The following TANK variants were observed in gnomAD, a reference collection of about 807,000 sequenced individuals.
TANK encodes the protein TRAF family member associated NFKB activator.
Under a neutral mutation model 43.6 loss-of-function variants are expected in TANK, and 15 were observed. The ratio of observed to expected loss-of-function variants is 0.34; its 90% CI spans 0.23 to 0.53. The LOEUF (loss-of-function observed/expected upper bound fraction) is 0.53. TANK is among the 20% of genes least tolerant of loss of function. The pLI is 0.94. For missense variants in TANK, 417 were observed against 498.6 expected (o/e 0.84, Z 1.56); for synonymous variants, 162 against 178.2 (o/e 0.91, Z 0.73).
chr2:161,211,617 C>T (rs1393946266), intron 4 of TANK: 1 of 236,388 alleles, frequency 4.2e-6, no homozygotes, highest in East Asian at 1.8e-4. Flanking sequence ...AAACACATAG[C>T]ACCTCTTCTA....
intron 2 of TANK, among the ~76,000 whole-genome samples, chr2:161,201,677 G>C (rs1412836974): frequency 1.3e-5 from 2 of 152,182 alleles, no homozygotes; most frequent in East Asian, 3.8e-4. Context: ...TTCAGCCCTG[G>C]TGGTGCTCTG....
chr2:161,195,622 A>T (rs947536075), intron 2 of TANK, among the ~76,000 whole-genome samples: 1 of 152,102 alleles, frequency 6.6e-6, no homozygotes, highest in African/African-American at 2.4e-5. Flanking sequence ...GGAGCCATTT[A>T]AGGTTTTTTG....
chr2:161,142,752 G>T (rs189215707), intron 1 of TANK, among the ~76,000 whole-genome samples: 2 of 152,228 alleles, frequency 1.3e-5, no homozygotes, highest in East Asian at 3.9e-4. Flanking sequence ...AAGTCAGGTA[G>T]CGTGATGCCT....
intron 2 of TANK, among the ~76,000 whole-genome samples, chr2:161,184,142 A>G (rs1421066396): frequency 6.6e-6 from 1 of 152,190 alleles, no homozygotes; most frequent in South Asian, 2.1e-4. Context: ...TATAGCTTCA[A>G]AGAGAATGAT....
At chr2:161,210,188 TG>T (rs904981598) in intron 4 of TANK, among the ~76,000 whole-genome samples, 3 of 152,146 alleles carry the variant, frequency 2.0e-5, no homozygotes, top group African/African-American at 7.2e-5. Flanking sequence ...GATATAGCTG[TG>T]GAGCTGGCAA....
At chr2:161,160,323 G>T, upstream of TANK, 1 of 798,934 alleles carries the variant, frequency 1.3e-6, no homozygotes, top group South Asian at 6.2e-5. Context: ...GGGTGGGGCA[G>T]GGCGGAAGGG....
chr2:161,221,382 G>T (rs897886351), intron 4 of TANK, among the ~76,000 whole-genome samples: 1 of 151,996 alleles, frequency 6.6e-6, no homozygotes, highest in African/African-American at 2.4e-5. Flanking sequence ...AGCCCACTTG[G>T]ATTATATTTG....
At chr2:161,140,922 C>T (rs763846449) in intron 1 of TANK, among the ~76,000 whole-genome samples, 2 of 152,238 alleles carry the variant, frequency 1.3e-5, no homozygotes, top group African/African-American at 4.8e-5. Context: ...ACCCCCACCA[C>T]TCACAGCATC....
At chr2:161,230,179 C>A (rs1687837625) in intron 6 of TANK, among the ~76,000 whole-genome samples, 1 of 152,108 alleles carries the variant, frequency 6.6e-6, no homozygotes, top group Admixed American at 6.5e-5. Context: ...GAACAAAATT[C>A]ATCTATCTAT....
At chr2:161,205,919 G>A (rs974271603) in intron 4 of TANK, among the ~76,000 whole-genome samples, 5 of 152,004 alleles carry the variant, frequency 3.3e-5, no homozygotes, top group Non-Finnish European at 7.4e-5. Context: ...TTCTACAGGC[G>A]CATGCTGCCA....
chr2:161,173,340 C>G (rs1314355895), intron 1 of TANK, among the ~76,000 whole-genome samples: 1 of 152,122 alleles, frequency 6.6e-6, no homozygotes, highest in Non-Finnish European at 1.5e-5. Context: ...TTTTCAGGGC[C>G]TCTGCTCTTT....
At chr2:161,170,763 A>G (rs989294926) in intron 1 of TANK, among the ~76,000 whole-genome samples, 4 of 152,298 alleles carry the variant, frequency 2.6e-5, no homozygotes, top group Middle Eastern at 3.4e-3. Flanking sequence ...ATTGGGAGAA[A>G]TGGGGGAACA....
chr2:161,206,087 G>T (rs895217240), intron 4 of TANK, among the ~76,000 whole-genome samples: 9 of 151,710 alleles, frequency 5.9e-5, no homozygotes, highest in Non-Finnish European at 1.0e-4. Context: ...AAAAGAGACT[G>T]TGATATCTGA....
At chr2:161,208,107 A>AT in intron 4 of TANK, 1 of 963,004 alleles carries the variant, frequency 1.0e-6, no homozygotes, top group Non-Finnish European at 1.2e-6. Flanking sequence ...TCTTTAGACA[A>AT]TTTGTTTTGT....
At chr2:161,161,582 C>T in intron 1 of TANK, 3 of 1,186,706 alleles carry the variant, frequency 2.5e-6, no homozygotes, top group Admixed American at 5.8e-5. Flanking sequence ...TGTGCATAAC[C>T]ATGTTATTTT....
At chr2:161,187,554 A>G (rs1320869179) in intron 2 of TANK, among the ~76,000 whole-genome samples, 2 of 152,358 alleles carry the variant, frequency 1.3e-5, no homozygotes, top group East Asian at 3.9e-4. Flanking sequence ...CCAGAGCTCC[A>G]AAGTATATGA....
chr2:161,232,790 T>G (rs1280599853), intron 7 of TANK: 3 of 1,550,624 alleles, frequency 1.9e-6, no homozygotes, highest in Non-Finnish European at 2.6e-6. Flanking sequence ...CTTTCTATAC[T>G]ACAGCAAGGG....
At chr2:161,224,537 T>C in intron 5 of TANK, 94 bp from the exon 6 acceptor site, 3 of 487,918 alleles carry the variant, frequency 6.1e-6, no homozygotes, top group Non-Finnish European at 7.3e-6. Context: ...AATAATTATT[T>C]TGTGGCACAT....
At chr2:161,181,349 G>A (rs1048608089) in intron 2 of TANK, among the ~76,000 whole-genome samples, 18 of 152,206 alleles carry the variant, frequency 1.2e-4, no homozygotes, top group African/African-American at 4.3e-4. Context: ...GAACCTAGGA[G>A]GCGGAAGTTG....
Sources: allele counts gnomAD v4.1 joint callset (sites outside exome capture counted in the v4.1 genomes callset), GRCh38; gene constraint gnomAD v4.1.1; transcripts MANE v1.5; gene names NCBI Gene and HGNC (gene_info 2026-07-23, HGNC 2026-07-21).